Variants in NPAS3 observed in about 807,000 individuals in gnomAD.
NPAS3 encodes neuronal PAS domain-containing protein 3.
In NPAS3, 14 loss-of-function variants were observed where a neutral mutation model predicts 73.1. The observed-to-expected ratio is 0.19, with a 90% CI of 0.13 to 0.30. The LOEUF is 0.30. NPAS3 is among the 10% of genes least tolerant of loss of function. The pLI, the probability that NPAS3 is intolerant of heterozygous loss-of-function variation, is 1.00. For missense variants in NPAS3, 1,096 were observed against 1,250.0 expected, an observed-to-expected ratio of 0.88 and a Z score of 1.86; for synonymous variants, 620 against 541.5, an observed-to-expected ratio of 1.14 and a Z score of -2.01.
At chr14:33,590,020 C>T (rs1463850858) in intron 5 of NPAS3, among the ~76,000 whole-genome samples, 2 of 152,142 alleles carry the variant, frequency 1.3e-5, no homozygotes, top group East Asian at 3.9e-4. Flanking sequence ...CTGAGATTTA[C>T]AACAGACCCC....
intron 6 of NPAS3, among the ~76,000 whole-genome samples, chr14:33,702,750 C>A (rs1389636131): frequency 1.3e-5 from 2 of 152,102 alleles, no homozygotes; most frequent in Non-Finnish European, 2.9e-5. Context: ...CCTCATCTAA[C>A]CCACATTAGA....
chr14:33,801,212 G>T (rs1179734358), downstream of NPAS3: 1 of 1,496,708 alleles, frequency 6.7e-7, no homozygotes, highest in Non-Finnish European at 8.8e-7. Context: ...GAGCAGGTCA[G>T]CGTCTTCTCT....
At chr14:33,177,972 G>C (rs2045652757) in intron 2 of NPAS3, among the ~76,000 whole-genome samples, 1 of 151,944 alleles carries the variant, frequency 6.6e-6, no homozygotes, top group African/African-American at 2.4e-5. Flanking sequence ...GACTGCTTTG[G>C]CTATTGGGAG....
intron 4 of NPAS3, among the ~76,000 whole-genome samples, chr14:33,413,969 T>A (rs904548305): frequency 3.9e-5 from 6 of 152,168 alleles, no homozygotes; most frequent in African/African-American, 1.4e-4. Flanking sequence ...CTTTTCATAT[T>A]AGATCATAAA....
intron 3 of NPAS3, among the ~76,000 whole-genome samples, chr14:33,266,021 A>G (rs997366672): frequency 2.0e-5 from 3 of 151,622 alleles, no homozygotes; most frequent in African/African-American, 7.3e-5. Context: ...ATATAAATAC[A>G]TATACACACA....
intron 5 of NPAS3, among the ~76,000 whole-genome samples, chr14:33,570,892 A>G (rs895762040): frequency 1.3e-5 from 2 of 152,186 alleles, no homozygotes; most frequent in African/African-American, 2.4e-5. Context: ...AAAACAGACA[A>G]TCCTGAATCA....
intron 3 of NPAS3, among the ~76,000 whole-genome samples, chr14:33,275,357 C>T (rs1389242531): frequency 6.6e-6 from 1 of 152,160 alleles, no homozygotes; most frequent in Non-Finnish European, 1.5e-5. Flanking sequence ...CTACATTCTT[C>T]TAAACTGGAG....
At chr14:33,757,460 G>A (rs1566506211) in intron 7 of NPAS3, among the ~76,000 whole-genome samples, 1 of 152,062 alleles carries the variant, frequency 6.6e-6, no homozygotes, top group Non-Finnish European at 1.5e-5. Flanking sequence ...TATAGCTCCT[G>A]GTCTACTTCC....
chr14:32,954,375 T>A (rs1158814005), intron 1 of NPAS3, among the ~76,000 whole-genome samples: 1 of 152,202 alleles, frequency 6.6e-6, no homozygotes. Context: ...CACTTTTTCA[T>A]CTTTACATTA....
At chr14:33,754,117 C>T (rs1041206456) in intron 7 of NPAS3, among the ~76,000 whole-genome samples, 8 of 152,206 alleles carry the variant, frequency 5.3e-5, no homozygotes, top group South Asian at 2.1e-4. Context: ...ACTGGGGTGG[C>T]GGCTAGAGAA....
chr14:33,499,767 C>A (rs1053575213), intron 4 of NPAS3, among the ~76,000 whole-genome samples: 3 of 151,986 alleles, frequency 2.0e-5, no homozygotes, highest in Admixed American at 6.6e-5. Context: ...AACAGCGCCC[C>A]ACACACTGAA....
intron 6 of NPAS3, among the ~76,000 whole-genome samples, chr14:33,729,466 T>C (rs1342231000): frequency 2.0e-5 from 3 of 152,128 alleles, no homozygotes; most frequent in African/African-American, 4.8e-5. Flanking sequence ...AGGTTAGCGA[T>C]CTAGGAGCAG....
chr14:33,148,425 G>T (rs927184085), intron 2 of NPAS3, among the ~76,000 whole-genome samples: 9 of 152,070 alleles, frequency 5.9e-5, no homozygotes, highest in African/African-American at 2.2e-4. Context: ...TTATGGTAGG[G>T]CTTATTGACT....
At chr14:33,317,699 G>A (rs1334491528) in intron 3 of NPAS3, among the ~76,000 whole-genome samples, 1 of 151,858 alleles carries the variant, frequency 6.6e-6, no homozygotes, top group Non-Finnish European at 1.5e-5. Context: ...TTCCCCTTCG[G>A]CCATGATTAT....
intron 1 of NPAS3, among the ~76,000 whole-genome samples, chr14:32,957,516 T>G (rs1015408758): frequency 1.3e-5 from 2 of 151,766 alleles, no homozygotes; most frequent in East Asian, 3.9e-4. Flanking sequence ...GGTCTACAGG[T>G]GCCCACCACC....
intron 3 of NPAS3, among the ~76,000 whole-genome samples, chr14:33,306,360 C>T (rs560779367): frequency 1.6e-4 from 24 of 152,232 alleles, no homozygotes; most frequent in South Asian, 1.5e-3. Flanking sequence ...TTTAATGGAA[C>T]GAACAAACTA....
intron 1 of NPAS3, among the ~76,000 whole-genome samples, chr14:32,942,714 G>A (rs1277229054): frequency 6.6e-6 from 1 of 152,088 alleles, no homozygotes; most frequent in Non-Finnish European, 1.5e-5. Flanking sequence ...GTTTTTGGAG[G>A]TATTTCTATC....
chr14:33,750,433 A>T (rs2061932242), intron 7 of NPAS3, among the ~76,000 whole-genome samples: 1 of 152,180 alleles, frequency 6.6e-6, no homozygotes, highest in African/African-American at 2.4e-5. Context: ...GAGCTTATCT[A>T]CTTCAGTTCC....
At chr14:33,156,378 A>C (rs890432188) in intron 2 of NPAS3, among the ~76,000 whole-genome samples, 1 of 152,194 alleles carries the variant, frequency 6.6e-6, no homozygotes, top group Non-Finnish European at 1.5e-5. Context: ...AATTTCATTA[A>C]GTTTGCTAAA....
Sources: allele counts gnomAD v4.1 joint callset (sites outside exome capture counted in the v4.1 genomes callset), GRCh38; gene constraint gnomAD v4.1.1; transcripts MANE v1.5; gene names NCBI Gene and HGNC (gene_info 2026-07-23, HGNC 2026-07-21).